Variants in SCFD1 observed in about 807,000 individuals in gnomAD.
SCFD1 encodes sec1 family domain-containing protein 1.
A neutral mutation model predicts 103.2 loss-of-function variants in SCFD1; 37 were observed. The ratio of observed to expected loss-of-function variants is 0.36; its 90% CI spans 0.28 to 0.47. The LOEUF is 0.47. SCFD1 is among the 20% of genes least tolerant of loss of function. The pLI, the probability that SCFD1 is intolerant of heterozygous loss-of-function variation, is 1.00. For synonymous variants in SCFD1, 264 were observed against 245.0 expected, an observed-to-expected ratio of 1.08 and a Z score of -0.73; for missense variants, 639 against 761.2, an observed-to-expected ratio of 0.84 and a Z score of 1.89.
At chr14:30,727,754 C>G (rs9322864) in intron 23 of SCFD1, among the ~76,000 whole-genome samples, 63,265 of 151,992 alleles carry the variant, frequency 0.42, 14,733 homozygotes, top group East Asian at 0.63. Context: ...GAGACCATCA[C>G]ATTCGGCAAG....
rs749880273 is a variant in SCFD1, at chr14:30,631,188, TA to T, written c.221+631del. Among the ~76,000 whole-genome samples the T allele has an allele frequency of 3.1e-4, 47 of 151,680 alleles. No homozygotes were observed. In the East Asian group the frequency reaches 7.4e-3, roughly 24 times the overall value. On this transcript the variant is annotated intron_variant, in intron 3 of 24. Coordinates refer to ENST00000458591, the MANE Select transcript of SCFD1 (RefSeq NM_016106.4). ...TCACGTGGTGAAACGCCATCTTCAC[TA>T]AAAAAAATACAGAAAATTAGCCAGG...
At chr14:30,632,948 C>G (rs887328593) in intron 3 of SCFD1, among the ~76,000 whole-genome samples, 5 of 152,200 alleles carry the variant, frequency 3.3e-5, no homozygotes, top group Admixed American at 2.6e-4. Context: ...AAATATTACA[C>G]AGCTACCATG....
intron 23 of SCFD1, among the ~76,000 whole-genome samples, chr14:30,724,233 AC>A (rs1892864211): frequency 9.1e-6 from 1 of 110,234 alleles, no homozygotes; most frequent in Non-Finnish European, 1.8e-5. Context: ...TCCTTTGCCC[AC>A]TTTTTTATGG....
intron 16 of SCFD1, 117 bp downstream of exon 16, chr14:30,700,375 T>C: frequency 1.3e-6 from 1 of 764,318 alleles, no homozygotes; most frequent in East Asian, 2.6e-5. Flanking sequence ...TTCATTTCTT[T>C]CTTTAAAAGA....
chr14:30,632,046 G>GAAAAAAAAAAA (rs61645782), intron 3 of SCFD1, among the ~76,000 whole-genome samples: 1 of 70,266 alleles, frequency 1.4e-5, no homozygotes, highest in African/African-American at 5.6e-5. Context: ...AGATTCTGTT[G>GAAAAAAAAAAA]AAAAAAAAAA....
intron 4 of SCFD1, among the ~76,000 whole-genome samples, chr14:30,636,543 T>C (rs1446342677): frequency 1.4e-4 from 22 of 152,198 alleles, no homozygotes; most frequent in Admixed American, 1.3e-4. Flanking sequence ...ACCACAGATA[T>C]CTTGTTTGAT....
At chr14:30,721,812 A>G (rs577170610) in intron 21 of SCFD1, 72 bp from the exon 22 acceptor site, 4 of 1,244,266 alleles carry the variant, frequency 3.2e-6, no homozygotes, top group Admixed American at 1.8e-5. Flanking sequence ...ATGTGTGTGT[A>G]TTTCCCATAC....
At chr14:30,670,186 A>C (rs1399645385) in intron 10 of SCFD1, 70 bp from the exon 11 acceptor site, 4 of 1,262,628 alleles carry the variant, frequency 3.2e-6, no homozygotes, top group Non-Finnish European at 3.3e-6. Context: ...AAACATTAGA[A>C]AGGGCAACAA....
At chr14:30,722,780 G>T (rs1892741324) in intron 23 of SCFD1, 1 of 319,444 alleles carries the variant, frequency 3.1e-6, no homozygotes, top group South Asian at 1.3e-4. Flanking sequence ...GTATCTTATT[G>T]ATATAATGCA....
chr14:30,721,942 G>C, intron 22 of SCFD1, 25 bp downstream of exon 22: 1 of 1,567,908 alleles, frequency 6.4e-7, no homozygotes, highest in Non-Finnish European at 8.8e-7. Flanking sequence ...AAAATTCTCT[G>C]TTCCTAGAAA....
chr14:30,661,184 A>G (rs230349), intron 10 of SCFD1, among the ~76,000 whole-genome samples: 12,367 of 152,204 alleles, frequency 0.081, 843 homozygotes, highest in African/African-American at 0.18. Flanking sequence ...GACTTTGCAC[A>G]CAATTTGAAA....
intron 14 of SCFD1, among the ~76,000 whole-genome samples, chr14:30,691,010 A>G (rs2139296511): frequency 6.6e-6 from 1 of 152,366 alleles, no homozygotes; most frequent in Non-Finnish European, 1.5e-5. Flanking sequence ...GAATTACAGA[A>G]GTTGCTTCTC....
chr14:30,670,878 G>C (rs1447949626), intron 11 of SCFD1, among the ~76,000 whole-genome samples: 2 of 151,994 alleles, frequency 1.3e-5, no homozygotes, highest in Non-Finnish European at 2.9e-5. Flanking sequence ...TTTGCCATGT[G>C]ATTTACTGTG....
intron 14 of SCFD1, among the ~76,000 whole-genome samples, chr14:30,693,993 GT>G (rs1890504320): frequency 6.6e-6 from 1 of 152,050 alleles, no homozygotes. Flanking sequence ...ACACAGCAAA[GT>G]TTTACTACGT....
At chr14:30,635,378 A>G (rs758817758) in intron 4 of SCFD1, among the ~76,000 whole-genome samples, 2 of 152,098 alleles carry the variant, frequency 1.3e-5, no homozygotes, top group Non-Finnish European at 2.9e-5. Context: ...GAACATTGTC[A>G]TTACCTCAAA....
chr14:30,676,788 CTG>C (rs1467219482), intron 14 of SCFD1, among the ~76,000 whole-genome samples: 4 of 152,058 alleles, frequency 2.6e-5, no homozygotes, highest in Non-Finnish European at 4.4e-5. Context: ...ATAAAGAAGA[CTG>C]TGGAGGATAA....
At chr14:30,691,437 G>A (rs1246796089) in intron 14 of SCFD1, among the ~76,000 whole-genome samples, 1 of 152,192 alleles carries the variant, frequency 6.6e-6, no homozygotes, top group East Asian at 1.9e-4. Context: ...ACTCTTGAAA[G>A]CCATAGTTGT....
chr14:30,695,263 C>T (rs1490552291), intron 15 of SCFD1, among the ~76,000 whole-genome samples: 2 of 152,136 alleles, frequency 1.3e-5, no homozygotes, highest in South Asian at 2.1e-4. Flanking sequence ...AAACTAAATT[C>T]TGTTTTACAT....
chr14:30,697,997 T>C (rs1890811589), intron 15 of SCFD1, among the ~76,000 whole-genome samples: 1 of 151,998 alleles, frequency 6.6e-6, no homozygotes, highest in African/African-American at 2.4e-5. Flanking sequence ...ATCACATCGC[T>C]GTAATGGTGC....
Sources: gnomAD v4.1 joint callset for allele counts (sites outside exome capture counted in the v4.1 genomes callset) on GRCh38, gnomAD v4.1.1 for gene constraint, MANE v1.5 for transcripts, NCBI Gene and HGNC (gene_info 2026-07-23, HGNC 2026-07-21) for gene names.